Variants in TNPO1 observed in about 807,000 individuals in gnomAD.
TNPO1 encodes transportin-1.
Under a neutral mutation model 119.5 loss-of-function variants are expected in TNPO1, and 8 were observed. The ratio of observed to expected loss-of-function variants is 0.07; its 90% CI spans 0.04 to 0.12. The LOEUF is 0.12. Among genes scored for constraint, TNPO1 ranks in the 10% least tolerant of loss-of-function variants. The pLI is 1.00. For missense variants in TNPO1, 576 were observed against 1,089.8 expected, an observed-to-expected ratio of 0.53 and a Z score of 6.64; for synonymous variants, 362 against 363.0, an observed-to-expected ratio of 1.00 and a Z score of 0.03.
chr5:72,888,092 A>G lies in TNPO1; in HGVS notation c.1318A>G (p.Met440Val), dbSNP rs1748786076. Residue 440 changes from methionine (M) to valine (V), a missense_variant, in exon 13 of 25, where the codon ATG becomes GTG. By Grantham distance (21) the Met-to-Val change is conservative. Around this residue, in one of 6 missense-constraint regions of TNPO1, gnomAD observed 310 missense variants for 583.0 expected, o/e 0.53. Coordinates refer to ENST00000337273, the MANE Select transcript of TNPO1 (RefSeq NM_002270.4). ...TTTTTTTCTAGGTTGCATGCAGGGC[A>G]TGATTCCATACTTGCCTGAGCTTAT... ...GAIAEGCMQG[M>V]IPYLPELIPH... The G allele has an allele frequency of 6.2e-7, 1 of 1,614,006 alleles. No individual in the cohort carries two copies. Among genetic ancestry groups the G allele is most frequent in the Non-Finnish European group, 8.5e-7 (1 of 1,180,002 alleles).
At chr5:72,824,408 T>C (rs538303164) in intron 1 of TNPO1, among the ~76,000 whole-genome samples, 8 of 152,228 alleles carry the variant, frequency 5.3e-5, no homozygotes, top group Non-Finnish European at 7.3e-5. Flanking sequence ...AAACCCACTC[T>C]AGTGAGGTCT....
At chr5:72,891,134 T>G (rs1749018825) in intron 14 of TNPO1, among the ~76,000 whole-genome samples, 1 of 151,054 alleles carries the variant, frequency 6.6e-6, no homozygotes, top group Non-Finnish European at 1.5e-5. Context: ...TGAGCCACCA[T>G]GCCCAGCCCC....
At chr5:72,887,634 G>T (rs1319567284) in intron 12 of TNPO1, among the ~76,000 whole-genome samples, 2 of 152,174 alleles carry the variant, frequency 1.3e-5, no homozygotes, top group East Asian at 3.9e-4. Context: ...GCAGTGAGCT[G>T]AATTCGTGCG....
At chr5:72,884,510 T>G (rs1455599465) in intron 11 of TNPO1, among the ~76,000 whole-genome samples, 1 of 152,238 alleles carries the variant, frequency 6.6e-6, no homozygotes, top group Non-Finnish European at 1.5e-5. Flanking sequence ...AAATTTATTA[T>G]AAGTTGCTTT....
At chr5:72,890,663 G>A (rs1192150212) in intron 14 of TNPO1, among the ~76,000 whole-genome samples, 1 of 152,078 alleles carries the variant, frequency 6.6e-6, no homozygotes, top group African/African-American at 2.4e-5. Flanking sequence ...TTTGTTTTCT[G>A]AATGTCTTTA....
At chr5:72,903,295 A>AAG (rs1749919691) in intron 22 of TNPO1, among the ~76,000 whole-genome samples, 1 of 152,150 alleles carries the variant, frequency 6.6e-6, no homozygotes. Flanking sequence ...AAGGTCATTT[A>AAG]ATATATATTT....
chr5:72,823,160 G>A (rs253169), intron 1 of TNPO1, among the ~76,000 whole-genome samples: 26,867 of 151,750 alleles, frequency 0.18, 2,621 homozygotes, highest in South Asian at 0.25. Context: ...TGTTTGCTCC[G>A]TAACTTTCCT....
chr5:72,868,859 T>C (rs1314527680), intron 6 of TNPO1, among the ~76,000 whole-genome samples: 2 of 151,984 alleles, frequency 1.3e-5, no homozygotes, highest in East Asian at 3.9e-4. Context: ...ATACAAAAAA[T>C]TAGCTGGACG....
At chr5:72,823,476 C>T (rs1744073730) in intron 1 of TNPO1, among the ~76,000 whole-genome samples, 2 of 152,144 alleles carry the variant, frequency 1.3e-5, no homozygotes, top group African/African-American at 4.8e-5. Context: ...GTTGCCATTT[C>T]ATGTGTTCTG....
chr5:72,893,051 T>A, intron 15 of TNPO1, 88 bp from the exon 16 acceptor site: 1 of 960,678 alleles, frequency 1.0e-6, no homozygotes, highest in African/African-American at 1.6e-5. Context: ...TCATAAATGA[T>A]CAGGATCCTG....
At chr5:72,882,569 A>G (rs749609958) in intron 10 of TNPO1, 42 bp downstream of exon 10, 32 of 1,419,788 alleles carry the variant, frequency 2.3e-5, no homozygotes, top group Non-Finnish European at 3.1e-5. Context: ...AGATTTTTAT[A>G]TTGACTTAGT....
chr5:72,853,230 T>G lies in TNPO1; in HGVS notation c.205+1911T>G, dbSNP rs1193496387. 2.0e-5 allele frequency among the ~76,000 whole-genome samples: 3 copies of G among 152,250 alleles called. No homozygotes were observed. The East Asian group carries it at 5.8e-4, about 29-fold the overall frequency. On this transcript the variant is annotated intron_variant, in intron 3 of 24. Coordinates refer to ENST00000337273, the MANE Select transcript of TNPO1 (RefSeq NM_002270.4). ...CTTTGAGAGGCCAAAGCAGGAAGAT[T>G]GCTTCAGGCAAGGAGTTCAAGATCA... is the stretch of plus-strand genomic sequence containing the variant.
At chr5:72,850,820 A>T (rs1745488945) in intron 2 of TNPO1, among the ~76,000 whole-genome samples, 2 of 152,176 alleles carry the variant, frequency 1.3e-5, no homozygotes, top group Non-Finnish European at 2.9e-5. Context: ...TTTAAAAGTT[A>T]TTCTATAAAG....
At chr5:72,906,275 C>CTTTTCTTTTTTTTT (rs1750152401) in intron 24 of TNPO1, among the ~76,000 whole-genome samples, 1 of 54,698 alleles carries the variant, frequency 1.8e-5, no homozygotes, top group African/African-American at 6.8e-5. Context: ...TTTTTTTTTT[C>CTTTTCTTTTTTTTT]TTTTTTTTTT....
In TNPO1 at chr5:72,890,528, C is replaced by G. The variant is rs145858644; in HGVS notation, c.1701+571C>G. ...TCCACATACCCTGCTGAATAGACTT[C>G]TATATGATTGCTATATCCAAAGTCT... is the stretch of plus-strand genomic sequence containing the variant. On this transcript the variant is annotated intron_variant, in intron 14 of 24. Coordinates refer to ENST00000337273, the MANE Select transcript of TNPO1 (RefSeq NM_002270.4). Among the ~76,000 whole-genome samples the G allele has an allele frequency of 7.9e-5, 12 of 152,238 alleles. No individual in the cohort carries two copies. The East Asian group carries it at 2.3e-3, about 29-fold the overall frequency.
chr5:72,885,597 G>A (rs1748561536), intron 11 of TNPO1, among the ~76,000 whole-genome samples: 1 of 152,124 alleles, frequency 6.6e-6, no homozygotes, highest in African/African-American at 2.4e-5. Flanking sequence ...TTCTTCCTCA[G>A]TACATACAGA....
chr5:72,877,356 C>T lies in TNPO1; in HGVS notation c.920+10C>T, dbSNP rs771763497. On this transcript the variant is annotated intron_variant, in intron 9 of 24. Coordinates refer to ENST00000337273, the MANE Select transcript of TNPO1 (RefSeq NM_002270.4). The stretch of plus-strand genomic sequence containing the variant: ...TAAGGCATCTTCCTAAGTAAGTGTT[C>T]CCTCTTATAAATGCTGCCTTGTTCT... 1.9e-5 allele frequency: 26 copies of T among 1,398,142 alleles called. No homozygotes were observed. Among genetic ancestry groups the T allele is most frequent in the African/African-American group, 2.8e-5 (2 of 70,414 alleles). The allele number at this position is 1,398,142 out of a possible 1,614,324, so 86.6% of individuals were successfully genotyped here.
intron 5 of TNPO1, among the ~76,000 whole-genome samples, chr5:72,862,992 T>TTG (rs71614493): frequency 0.041 from 5,939 of 144,818 alleles, 126 homozygotes; most frequent in East Asian, 0.072. Context: ...CTGTGGGTTT[T>TTG]TGTGTGTGTG....
chr5:72,860,225 C>A lies in TNPO1; in HGVS notation c.356-1583C>A, dbSNP rs140231785. On this transcript the variant is annotated intron_variant, in intron 4 of 24. Coordinates refer to ENST00000337273, the MANE Select transcript of TNPO1 (RefSeq NM_002270.4). ...ATAGTCATTGAGTGTTTACTAGATG[C>A]CAGGCATTTTCTATATATCCAATTG... Among the ~76,000 whole-genome samples, 255 of 152,152 alleles carry A rather than the reference C, an allele frequency of 1.7e-3. 2 individuals carry two copies. The highest frequency in any genetic ancestry group is 5.9e-3 in the African/African-American group (244 of 41,500).
Sources: gnomAD v4.1 joint callset for allele counts (sites outside exome capture counted in the v4.1 genomes callset) on GRCh38, gnomAD v4.1.1 for gene constraint, gnomAD v4.1.1 regional missense constraint, MANE v1.5 for transcripts, NCBI Gene and HGNC (gene_info 2026-07-23, HGNC 2026-07-21) for gene names.